Variants in CAPZA2 observed in about 807,000 individuals in gnomAD.
The protein encoded by CAPZA2 is capping actin protein of muscle Z-line subunit alpha 2.
CAPZA2 carries 13 observed loss-of-function variants against 44.0 expected under a neutral mutation model. The observed-to-expected ratio is 0.30, with a 90% CI of 0.19 to 0.47. The LOEUF (loss-of-function observed/expected upper bound fraction) is 0.47, where lower values mean the gene tolerates loss of function less well. Ranked by LOEUF, CAPZA2 falls within the 20% of genes least tolerant of loss-of-function variation. The pLI is 1.00. For synonymous variants in CAPZA2, 94 were observed against 108.2 expected, an observed-to-expected ratio of 0.87 and a Z score of 0.81; for missense variants, 244 against 338.6, an observed-to-expected ratio of 0.72 and a Z score of 2.19.
intron 1 of CAPZA2, among the ~76,000 whole-genome samples, chr7:116,864,579 G>C (rs1425777215): frequency 1.3e-5 from 2 of 152,090 alleles, no homozygotes; most frequent in African/African-American, 4.8e-5. Context: ...TTAAATTCAA[G>C]TAACCAGTAA....
At chr7:116,906,218 C>A in intron 5 of CAPZA2, 45 bp from the exon 6 acceptor site, 1 of 1,590,598 alleles carries the variant, frequency 6.3e-7, no homozygotes, top group South Asian at 1.2e-5. Flanking sequence ...TTGGACATTC[C>A]ATGGCCCTAA....
intron 7 of CAPZA2, among the ~76,000 whole-genome samples, chr7:116,911,363 A>G (rs1039158109): frequency 1.3e-5 from 2 of 152,216 alleles, no homozygotes; most frequent in African/African-American, 4.8e-5. Context: ...ATGTAAGACC[A>G]TTTAGTAGTA....
chr7:116,888,453 GGGAAA>G, intron 2 of CAPZA2: 1 of 313,670 alleles, frequency 3.2e-6, no homozygotes, highest in Non-Finnish European at 5.7e-6. Flanking sequence ...TCCTCATTCT[GGGAAA>G]GGAGAGTCTT....
chr7:116,868,634 C>T (rs558768297), intron 1 of CAPZA2, among the ~76,000 whole-genome samples: 52 of 151,920 alleles, frequency 3.4e-4, no homozygotes, highest in Admixed American at 2.0e-3. Context: ...CTCGGGAGGC[C>T]GAGGCAGGAG....
rs534480119 is a variant in CAPZA2, at chr7:116,911,454, T to C, written c.586-615T>C. Among the ~76,000 whole-genome samples, 30 of 152,364 alleles carry C rather than the reference T, an allele frequency of 2.0e-4. No homozygotes were observed. The South Asian group carries it at 6.0e-3, about 31-fold the overall frequency. On this transcript the variant is annotated intron_variant, in intron 7 of 9. Transcript: ENST00000361183. Reference sequence around the variant, plus strand: ...TTGACTGGTTTGCTACCTGTATATATTTCTACAGCTATTACTCTCCCCAAC... The same window carrying C: ...TTGACTGGTTTGCTACCTGTATATACTTCTACAGCTATTACTCTCCCCAAC...
At chr7:116,911,019 G>A (rs1017704318) in intron 7 of CAPZA2, among the ~76,000 whole-genome samples, 15 of 146,314 alleles carry the variant, frequency 1.0e-4, no homozygotes, top group South Asian at 6.5e-4. Flanking sequence ...AAAAGCATAC[G>A]TGATTGTTTG....
At chr7:116,868,600 G>T (rs1467238310) in intron 1 of CAPZA2, among the ~76,000 whole-genome samples, 1 of 152,168 alleles carries the variant, frequency 6.6e-6, no homozygotes, top group Non-Finnish European at 1.5e-5. Context: ...TGGGCGTGGT[G>T]TCGTGCACCT....
chr7:116,867,249 TAAG>T (rs1796494184), intron 1 of CAPZA2, among the ~76,000 whole-genome samples: 1 of 152,200 alleles, frequency 6.6e-6, no homozygotes, highest in Admixed American at 6.5e-5. Context: ...TGCCAACAGT[TAAG>T]AAGTAAAGTC....
intron 2 of CAPZA2, chr7:116,888,409 A>G: frequency 2.4e-6 from 1 of 411,370 alleles, no homozygotes; most frequent in Non-Finnish European, 4.3e-6. Flanking sequence ...TAAAGCCTGA[A>G]ATAAATTTTA....
chr7:116,869,263 C>T (rs535918397), intron 1 of CAPZA2, among the ~76,000 whole-genome samples: 1 of 152,162 alleles, frequency 6.6e-6, no homozygotes, highest in African/African-American at 2.4e-5. Context: ...CATGAAAATA[C>T]CCATGGCTGT....
At chr7:116,907,372 A>G (rs998372557) in intron 6 of CAPZA2, among the ~76,000 whole-genome samples, 7 of 152,222 alleles carry the variant, frequency 4.6e-5, no homozygotes, top group African/African-American at 1.7e-4. Flanking sequence ...ATATAAGTGT[A>G]GTTTCTCTGT....
chr7:116,915,116 A>G (rs1185478219), intron 8 of CAPZA2, among the ~76,000 whole-genome samples: 1 of 152,082 alleles, frequency 6.6e-6, no homozygotes, highest in Non-Finnish European at 1.5e-5. Context: ...CGTCTCTACT[A>G]AAAATACAAA....
At chr7:116,870,959 A>G (rs1228802879) in intron 1 of CAPZA2, among the ~76,000 whole-genome samples, 1 of 152,210 alleles carries the variant, frequency 6.6e-6, no homozygotes, top group African/African-American at 2.4e-5. Flanking sequence ...TTTTGGTTGT[A>G]CGGAGTTTGA....
chr7:116,910,743 C>T lies in CAPZA2; in HGVS notation c.585+432C>T, dbSNP rs112153221. 9.1e-3 allele frequency among the ~76,000 whole-genome samples: 1,384 copies of T among 152,210 alleles called. 14 individuals are homozygous for T. The highest frequency in any genetic ancestry group is 0.014 in the Non-Finnish European group (981 of 68,008). ...TGTATTGGCTGGGCGCGGTGGCTCACGCCTGTTATCCCAACACTTTGGGAG... is the reference window on the plus strand; with the variant it reads ...TGTATTGGCTGGGCGCGGTGGCTCATGCCTGTTATCCCAACACTTTGGGAG... On this transcript the variant is annotated intron_variant, in intron 7 of 9. Coordinates refer to ENST00000361183, the MANE Select transcript of CAPZA2 (RefSeq NM_006136.3).
intron 1 of CAPZA2, among the ~76,000 whole-genome samples, chr7:116,877,380 T>C (rs1233065516): frequency 2.0e-5 from 3 of 152,238 alleles, no homozygotes; most frequent in Non-Finnish European, 2.9e-5. Context: ...GATAAAAAGA[T>C]GGCCAAATCA....
chr7:116,866,505 T>G (rs1355866004), intron 1 of CAPZA2, among the ~76,000 whole-genome samples: 1 of 152,206 alleles, frequency 6.6e-6, no homozygotes, highest in Non-Finnish European at 1.5e-5. Context: ...ACAGAAACCC[T>G]AGGCCAAAAA....
chr7:116,883,531 C>T (rs1796725253), intron 1 of CAPZA2, among the ~76,000 whole-genome samples: 1 of 152,170 alleles, frequency 6.6e-6, no homozygotes, highest in African/African-American at 2.4e-5. Flanking sequence ...GTATTTCAGG[C>T]ACGGCTGGTT....
intron 2 of CAPZA2, 25 bp from the exon 3 acceptor site, chr7:116,892,969 T>C (rs779785865): frequency 1.3e-6 from 2 of 1,532,366 alleles, no homozygotes; most frequent in South Asian, 1.2e-5. Flanking sequence ...ACAATAATAA[T>C]GTAGATAACA....
rs1562954679 is a variant in CAPZA2 at position 116,862,593 on chromosome 7, GT to G, written c.-16del. 1 of 1,536,628 alleles carries G rather than the reference GT, an allele frequency of 6.5e-7. No individual in the cohort carries two copies. The highest frequency in any genetic ancestry group is 8.8e-7 in the Non-Finnish European group (1 of 1,140,788). ...GGCCGCTGCCGCCGCCGCCGCCGCGGTTTGTCGCCAGAAGGAAGATGGCGGA... is the reference window on the plus strand; with the variant it reads ...GGCCGCTGCCGCCGCCGCCGCCGCGGTTGTCGCCAGAAGGAAGATGGCGGA... On this transcript the variant is annotated 5_prime_UTR_variant, in exon 1 of 10. Coordinates refer to ENST00000361183, the MANE Select transcript of CAPZA2 (RefSeq NM_006136.3).
Sources: allele counts gnomAD v4.1 joint callset (sites outside exome capture counted in the v4.1 genomes callset), GRCh38; gene constraint gnomAD v4.1.1; transcripts MANE v1.5; gene names NCBI Gene and HGNC (gene_info 2026-07-23, HGNC 2026-07-21).